Variants in RBMS3 observed in about 807,000 individuals in gnomAD.
RBMS3 encodes RNA-binding motif, single-stranded-interacting protein 3.
Under a neutral mutation model 66.8 loss-of-function variants are expected in RBMS3, and 27 were observed. That is an observed-to-expected ratio of 0.40 (90% CI 0.30 to 0.56). The LOEUF is 0.56. RBMS3 is among the 20% of genes least tolerant of loss of function. RBMS3 has a pLI of 0.40. For synonymous variants in RBMS3, 188 were observed against 183.0 expected (o/e 1.03, Z -0.22); for missense variants, 513 against 549.5 (o/e 0.93, Z 0.66).
chr3:29,629,249 G>A (rs574761355), intron 4 of RBMS3, among the ~76,000 whole-genome samples: 1 of 152,106 alleles, frequency 6.6e-6, no homozygotes, highest in Admixed American at 6.6e-5. Context: ...TGAGAATCCA[G>A]AGCCAGATGG....
chr3:29,846,614 G>T (rs2058784020), intron 6 of RBMS3, among the ~76,000 whole-genome samples: 1 of 152,130 alleles, frequency 6.6e-6, no homozygotes, highest in Non-Finnish European at 1.5e-5. Flanking sequence ...GCGATGTGAT[G>T]ACTCAATATA....
At chr3:29,860,438 TGG>T (rs2059184073) in intron 6 of RBMS3, among the ~76,000 whole-genome samples, 1 of 152,110 alleles carries the variant, frequency 6.6e-6, no homozygotes. Context: ...TGGCATGGGG[TGG>T]GAGGTGGGGC....
intron 2 of RBMS3, among the ~76,000 whole-genome samples, chr3:29,472,550 C>T (rs558953314): frequency 1.2e-3 from 187 of 152,096 alleles, no homozygotes; most frequent in African/African-American, 4.2e-3. Context: ...ACTCTTAAGG[C>T]GGCGCGTACC....
intron 10 of RBMS3, among the ~76,000 whole-genome samples, chr3:29,913,875 T>C (rs1296523400): frequency 6.6e-6 from 1 of 151,976 alleles, no homozygotes; most frequent in Non-Finnish European, 1.5e-5. Flanking sequence ...TGTTACATGA[T>C]ACATGTCTAA....
intron 6 of RBMS3, among the ~76,000 whole-genome samples, chr3:29,820,566 T>A (rs946063092): frequency 6.6e-6 from 1 of 152,164 alleles, no homozygotes; most frequent in African/African-American, 2.4e-5. Context: ...TTATTCAAAC[T>A]TAGCTATTTA....
At chr3:29,917,543 GA>G (rs1368322101) in intron 10 of RBMS3, among the ~76,000 whole-genome samples, 9 of 151,952 alleles carry the variant, frequency 5.9e-5, no homozygotes, top group Non-Finnish European at 1.3e-4. Flanking sequence ...GTATTTTAAG[GA>G]ATAAGAAATT....
intron 10 of RBMS3, among the ~76,000 whole-genome samples, chr3:29,932,075 G>C (rs1214450064): frequency 6.6e-6 from 1 of 151,880 alleles, no homozygotes; most frequent in Non-Finnish European, 1.5e-5. Flanking sequence ...TCAAATGCAA[G>C]GCTACTAAGA....
chr3:29,729,515 G>T (rs191961465), intron 4 of RBMS3, among the ~76,000 whole-genome samples: 1 of 152,210 alleles, frequency 6.6e-6, no homozygotes. Flanking sequence ...TAATAGGATT[G>T]CTGGATCAAA....
intron 2 of RBMS3, among the ~76,000 whole-genome samples, chr3:29,476,320 A>G (rs1226307421): frequency 6.6e-6 from 1 of 152,260 alleles, no homozygotes. Flanking sequence ...TTATTGAGCT[A>G]GAAGACTTTA....
At chr3:29,363,233 G>A (rs568475513) in intron 1 of RBMS3, among the ~76,000 whole-genome samples, 5 of 152,116 alleles carry the variant, frequency 3.3e-5, no homozygotes, top group Non-Finnish European at 5.9e-5. Flanking sequence ...TTTATTTTAC[G>A]ATGCATTTGG....
chr3:29,761,374 C>T (rs2055680316), intron 5 of RBMS3, among the ~76,000 whole-genome samples: 1 of 152,118 alleles, frequency 6.6e-6, no homozygotes, highest in South Asian at 2.1e-4. Flanking sequence ...ACAAGTGATA[C>T]AGATGCCCTG....
intron 6 of RBMS3, among the ~76,000 whole-genome samples, chr3:29,849,705 C>T (rs2149516960): frequency 6.6e-6 from 1 of 152,172 alleles, no homozygotes; most frequent in East Asian, 1.9e-4. Flanking sequence ...AATCAACAAA[C>T]ATCAGTGAAG....
At chr3:29,326,408 C>G (rs1037605126) in intron 1 of RBMS3, among the ~76,000 whole-genome samples, 1 of 152,188 alleles carries the variant, frequency 6.6e-6, no homozygotes, top group Non-Finnish European at 1.5e-5. Flanking sequence ...TTGCAAGCCT[C>G]TTATTACCAT....
chr3:29,726,866 T>A (rs1321212011), intron 4 of RBMS3, among the ~76,000 whole-genome samples: 1 of 152,210 alleles, frequency 6.6e-6, no homozygotes, highest in Non-Finnish European at 1.5e-5. Context: ...AAAAAAGTAC[T>A]TTAAATTTCA....
At chr3:29,981,227 C>G (rs931649275) in intron 12 of RBMS3, among the ~76,000 whole-genome samples, 2 of 151,882 alleles carry the variant, frequency 1.3e-5, no homozygotes, top group Admixed American at 6.6e-5. Context: ...TGATTTGGCT[C>G]TCTGTCTATT....
At chr3:29,901,063 T>C (rs1577100295) in intron 10 of RBMS3, among the ~76,000 whole-genome samples, 2 of 151,756 alleles carry the variant, frequency 1.3e-5, no homozygotes, top group African/African-American at 4.8e-5. Context: ...CAGCAGAACT[T>C]TGTACCATAT....
At chr3:29,804,510 T>G (rs1234771999) in intron 6 of RBMS3, among the ~76,000 whole-genome samples, 1 of 152,028 alleles carries the variant, frequency 6.6e-6, no homozygotes, top group East Asian at 1.9e-4. Flanking sequence ...GGCTAAAAAT[T>G]ATATACACTA....
At chr3:29,283,913 G>T (rs1279423148) in intron 1 of RBMS3, among the ~76,000 whole-genome samples, 1 of 152,090 alleles carries the variant, frequency 6.6e-6, no homozygotes, top group East Asian at 1.9e-4. Flanking sequence ...GAAATGAGAT[G>T]AAGAGTCAAT....
intron 7 of RBMS3, among the ~76,000 whole-genome samples, chr3:29,880,508 C>T (rs539862964): frequency 6.6e-6 from 1 of 152,212 alleles, no homozygotes; most frequent in South Asian, 2.1e-4. Flanking sequence ...AACAGAGCAG[C>T]AAAATCAATT....
Sources: allele counts gnomAD v4.1 joint callset (sites outside exome capture counted in the v4.1 genomes callset), GRCh38; gene constraint gnomAD v4.1.1; transcripts MANE v1.5; gene names NCBI Gene and HGNC (gene_info 2026-07-23, HGNC 2026-07-21).